Variants in NKAIN3 observed in about 807,000 individuals in gnomAD.
NKAIN3 encodes sodium/potassium-transporting ATPase subunit beta-1-interacting protein 3.
A neutral mutation model predicts 30.2 loss-of-function variants in NKAIN3; 25 were observed. That is an observed-to-expected ratio of 0.83 (90% CI 0.60 to 1.16). The LOEUF is 1.16. Among genes scored for constraint, NKAIN3 ranks in the 50% most tolerant of loss-of-function variants. NKAIN3 has a pLI of 0.00. For missense variants in NKAIN3, 225 were observed against 254.1 expected (o/e 0.89, Z 0.78); for synonymous variants, 91 against 89.6 (o/e 1.02, Z -0.09).
chr8:62,591,087 A>G (rs1810636704), intron 3 of NKAIN3, among the ~76,000 whole-genome samples: 1 of 151,994 alleles, frequency 6.6e-6, no homozygotes, highest in East Asian at 1.9e-4. Context: ...ATAATATATT[A>G]AGCACAACAT....
intron 5 of NKAIN3, among the ~76,000 whole-genome samples, chr8:62,953,692 C>T (rs1585617460): frequency 6.6e-6 from 1 of 152,222 alleles, no homozygotes; most frequent in East Asian, 1.9e-4. Context: ...ATTTTTCAGA[C>T]CCTATGAATC....
intron 1 of NKAIN3, among the ~76,000 whole-genome samples, chr8:62,322,830 C>G (rs1814982722): frequency 6.6e-6 from 1 of 152,140 alleles, no homozygotes; most frequent in Admixed American, 6.5e-5. Context: ...TATATGATGA[C>G]TCTGAAAACT....
intron 4 of NKAIN3, among the ~76,000 whole-genome samples, chr8:62,825,814 G>A (rs939434963): frequency 2.6e-5 from 4 of 152,164 alleles, no homozygotes; most frequent in Non-Finnish European, 5.9e-5. Flanking sequence ...CTGTGGTGCT[G>A]CTACAGAGGG....
intron 4 of NKAIN3, among the ~76,000 whole-genome samples, chr8:62,755,325 C>T (rs188542620): frequency 6.6e-6 from 1 of 152,164 alleles, no homozygotes; most frequent in Non-Finnish European, 1.5e-5. Flanking sequence ...AGCTATGAAT[C>T]TCCTGTTAGG....
chr8:62,733,676 C>A (rs1370718159), intron 3 of NKAIN3, among the ~76,000 whole-genome samples: 1 of 151,972 alleles, frequency 6.6e-6, no homozygotes, highest in East Asian at 1.9e-4. Context: ...CTAATATTGC[C>A]TCCTACTCAT....
At chr8:62,692,752 C>T (rs1213537610) in intron 3 of NKAIN3, among the ~76,000 whole-genome samples, 3 of 152,200 alleles carry the variant, frequency 2.0e-5, no homozygotes, top group African/African-American at 7.2e-5. Context: ...CTCTGCTTAG[C>T]CTTTTGTTGT....
intron 1 of NKAIN3, among the ~76,000 whole-genome samples, chr8:62,544,078 T>G (rs997099263): frequency 2.0e-5 from 3 of 152,140 alleles, no homozygotes; most frequent in African/African-American, 7.2e-5. Context: ...TATAGCTCAC[T>G]GCGACCTCTG....
At chr8:62,481,628 G>T (rs965625458) in intron 1 of NKAIN3, among the ~76,000 whole-genome samples, 1 of 152,080 alleles carries the variant, frequency 6.6e-6, no homozygotes, top group Non-Finnish European at 1.5e-5. Flanking sequence ...AACTAAAAAA[G>T]GATGAAATTG....
At chr8:62,275,797 A>G (rs951601805) in intron 1 of NKAIN3, among the ~76,000 whole-genome samples, 1 of 152,288 alleles carries the variant, frequency 6.6e-6, no homozygotes, top group South Asian at 2.1e-4. Flanking sequence ...AATTATTTTG[A>G]TATTGAAATG....
chr8:62,539,939 C>T (rs978289932), intron 1 of NKAIN3, among the ~76,000 whole-genome samples: 7 of 152,084 alleles, frequency 4.6e-5, no homozygotes, highest in African/African-American at 1.7e-4. Flanking sequence ...AAACAAAAGG[C>T]AATAAATGAT....
At chr8:62,600,178 T>C (rs1810947435) in intron 3 of NKAIN3, among the ~76,000 whole-genome samples, 1 of 152,004 alleles carries the variant, frequency 6.6e-6, no homozygotes, top group Non-Finnish European at 1.5e-5. Flanking sequence ...TCTTGAAAGG[T>C]TTGGTACTTA....
At chr8:62,676,534 A>C (rs532809657) in intron 3 of NKAIN3, among the ~76,000 whole-genome samples, 5 of 152,344 alleles carry the variant, frequency 3.3e-5, no homozygotes, top group African/African-American at 1.2e-4. Flanking sequence ...GCACCACTGC[A>C]CTCCAGCCTC....
At chr8:62,752,366 C>T (rs1024830290) in intron 4 of NKAIN3, among the ~76,000 whole-genome samples, 2 of 152,184 alleles carry the variant, frequency 1.3e-5, no homozygotes, top group African/African-American at 4.8e-5. Flanking sequence ...TCTGGTGGCA[C>T]TCCATCTACT....
chr8:62,802,441 C>T (rs1458353101), intron 4 of NKAIN3, among the ~76,000 whole-genome samples: 1 of 152,158 alleles, frequency 6.6e-6, no homozygotes, highest in Non-Finnish European at 1.5e-5. Context: ...CTCTACAAGC[C>T]AGAAGAGAGT....
chr8:62,742,888 A>G (rs1319238781), intron 3 of NKAIN3, among the ~76,000 whole-genome samples: 1 of 152,184 alleles, frequency 6.6e-6, no homozygotes, highest in African/African-American at 2.4e-5. Context: ...AAGCTTACAA[A>G]CATGGTGGAA....
intron 5 of NKAIN3, among the ~76,000 whole-genome samples, chr8:62,946,127 G>C (rs776394424): frequency 2.6e-5 from 4 of 152,112 alleles, no homozygotes; most frequent in Non-Finnish European, 4.4e-5. Context: ...TAAACTTCCT[G>C]AAGCATAAAG....
At chr8:62,362,648 G>A (rs1284148311) in intron 1 of NKAIN3, among the ~76,000 whole-genome samples, 2 of 152,182 alleles carry the variant, frequency 1.3e-5, no homozygotes, top group Non-Finnish European at 2.9e-5. Context: ...GAATAGTGGA[G>A]GAGAGCAAGA....
At chr8:62,936,197 A>G (rs750384898) in intron 5 of NKAIN3, among the ~76,000 whole-genome samples, 3 of 152,150 alleles carry the variant, frequency 2.0e-5, no homozygotes, top group Non-Finnish European at 4.4e-5. Context: ...CAGCTACATC[A>G]AGTGCAAGCA....
At chr8:62,341,632 A>AT (rs1052319553) in intron 1 of NKAIN3, among the ~76,000 whole-genome samples, 4 of 151,938 alleles carry the variant, frequency 2.6e-5, no homozygotes, top group Non-Finnish European at 5.9e-5. Context: ...GAGCTGCTGC[A>AT]TTTTTTCAGG....
Sources: allele counts gnomAD v4.1 joint callset (sites outside exome capture counted in the v4.1 genomes callset), GRCh38; gene constraint gnomAD v4.1.1; transcripts MANE v1.5; gene names NCBI Gene and HGNC (gene_info 2026-07-23, HGNC 2026-07-21).